Variants in LRRC4C observed in about 807,000 individuals in gnomAD.
LRRC4C encodes leucine-rich repeat-containing protein 4C.
A neutral mutation model predicts 33.6 loss-of-function variants in LRRC4C; 5 were observed. That is an observed-to-expected ratio of 0.15 (90% CI 0.08 to 0.31). The LOEUF (loss-of-function observed/expected upper bound fraction) is 0.31. Among genes scored for constraint, LRRC4C ranks in the 10% least tolerant of loss-of-function variants. LRRC4C has a pLI of 1.00. For synonymous variants in LRRC4C, 329 were observed against 302.0 expected (o/e 1.09, Z -0.93); for missense variants, 560 against 796.7 (o/e 0.70, Z 3.58).
intron 2 of LRRC4C, among the ~76,000 whole-genome samples, chr11:40,651,009 C>G (rs1307503875): frequency 6.6e-6 from 1 of 152,190 alleles, no homozygotes; most frequent in Non-Finnish European, 1.5e-5. Flanking sequence ...TAGAAAGCCT[C>G]TCTAGTTTCC....
At chr11:40,654,009 G>T (rs111766680) in intron 2 of LRRC4C, among the ~76,000 whole-genome samples, 1 of 152,202 alleles carries the variant, frequency 6.6e-6, no homozygotes, top group East Asian at 1.9e-4. Flanking sequence ...CTTTCCTGTG[G>T]TATTGATCCT....
intron 1 of LRRC4C, among the ~76,000 whole-genome samples, chr11:41,406,167 C>T (rs1176584567): frequency 6.6e-6 from 1 of 152,008 alleles, no homozygotes; most frequent in Non-Finnish European, 1.5e-5. Context: ...GTGAGGATAT[C>T]CTGATAAATG....
At chr11:40,243,207 T>C (rs1176157074) in intron 4 of LRRC4C, among the ~76,000 whole-genome samples, 1 of 152,158 alleles carries the variant, frequency 6.6e-6, no homozygotes, top group South Asian at 2.1e-4. Flanking sequence ...TTCAAATTGG[T>C]TTAAAAAGGT....
chr11:40,205,040 T>C (rs1292374776), intron 5 of LRRC4C, among the ~76,000 whole-genome samples: 1 of 152,212 alleles, frequency 6.6e-6, no homozygotes, highest in Admixed American at 6.5e-5. Context: ...GTATAGAATA[T>C]GCCTAATATT....
At chr11:40,339,892 C>T (rs1204812029) in intron 3 of LRRC4C, among the ~76,000 whole-genome samples, 6 of 151,864 alleles carry the variant, frequency 4.0e-5, no homozygotes, top group East Asian at 3.9e-4. Flanking sequence ...AATTTAAAGA[C>T]GATTTTAATA....
intron 1 of LRRC4C, among the ~76,000 whole-genome samples, chr11:41,121,280 T>C (rs942399116): frequency 3.3e-5 from 5 of 152,176 alleles, no homozygotes; most frequent in Non-Finnish European, 5.9e-5. Flanking sequence ...GATCTTATTG[T>C]ATTTACAGTT....
intron 1 of LRRC4C, among the ~76,000 whole-genome samples, chr11:41,156,830 C>A (rs1944253447): frequency 1.3e-5 from 2 of 151,988 alleles, no homozygotes; most frequent in Admixed American, 6.6e-5. Context: ...AGATATCTGG[C>A]AGTGCTATGG....
At chr11:41,405,800 T>C (rs1456210985) in intron 1 of LRRC4C, among the ~76,000 whole-genome samples, 4 of 152,258 alleles carry the variant, frequency 2.6e-5, no homozygotes, top group Non-Finnish European at 5.9e-5. Flanking sequence ...ATTCATTTAG[T>C]TAATATTTAT....
At chr11:41,188,522 T>C (rs1371126722) in intron 1 of LRRC4C, among the ~76,000 whole-genome samples, 2 of 152,122 alleles carry the variant, frequency 1.3e-5, no homozygotes, top group South Asian at 4.1e-4. Flanking sequence ...TAGATCTATG[T>C]ACAAATTTTC....
At chr11:40,971,488 A>G (rs1259257847) in intron 1 of LRRC4C, among the ~76,000 whole-genome samples, 1 of 152,234 alleles carries the variant, frequency 6.6e-6, no homozygotes, top group Non-Finnish European at 1.5e-5. Flanking sequence ...TCTAGATTTC[A>G]GAGAGCATAT....
intron 1 of LRRC4C, among the ~76,000 whole-genome samples, chr11:41,179,710 T>C (rs1272557447): frequency 6.6e-6 from 1 of 152,340 alleles, no homozygotes; most frequent in Non-Finnish European, 1.5e-5. Flanking sequence ...AACTGTTTCC[T>C]ACAACACAGA....
intron 5 of LRRC4C, among the ~76,000 whole-genome samples, chr11:40,190,698 A>C (rs777787190): frequency 3.3e-5 from 5 of 152,204 alleles, no homozygotes; most frequent in Admixed American, 2.0e-4. Flanking sequence ...TAAAACATAA[A>C]ATGATTTTAC....
rs114307871 is a variant in LRRC4C at position 41,004,396 on chromosome 11, T to C, written c.-495-70673A>G. On this transcript the variant is annotated intron_variant, in intron 1 of 6. Transcript: ENST00000528697. ...AGTACATCAACATTATCAGCATCCA[T>C]CTTTTTCCCTCTGCCCTGTCACACC... 4.0e-3 allele frequency among the ~76,000 whole-genome samples: 609 copies of C among 152,240 alleles called. 7 individuals carry two copies. Among genetic ancestry groups the C allele is most frequent in the South Asian group, 0.036 (174 of 4,812 alleles).
At chr11:41,369,433 A>G (rs1373446146) in intron 1 of LRRC4C, among the ~76,000 whole-genome samples, 1 of 151,996 alleles carries the variant, frequency 6.6e-6, no homozygotes, top group Non-Finnish European at 1.5e-5. Context: ...AAAATAAGAA[A>G]TGTACACTAG....
At chr11:40,723,967 T>A (rs1427462386) in intron 2 of LRRC4C, among the ~76,000 whole-genome samples, 3 of 151,592 alleles carry the variant, frequency 2.0e-5, no homozygotes, top group Non-Finnish European at 2.9e-5. Context: ...TATTCTTGTA[T>A]CAGAAAAAAC....
chr11:41,195,187 T>G (rs2136230832), intron 1 of LRRC4C, among the ~76,000 whole-genome samples: 1 of 152,220 alleles, frequency 6.6e-6, no homozygotes, highest in African/African-American at 2.4e-5. Flanking sequence ...TCTCTTTAGG[T>G]TAACAAAACA....
chr11:40,479,296 C>T (rs186811993), intron 3 of LRRC4C, among the ~76,000 whole-genome samples: 1 of 152,136 alleles, frequency 6.6e-6, no homozygotes, highest in East Asian at 1.9e-4. Context: ...TATTTTTCTT[C>T]AAAAGTTATT....
chr11:40,984,840 T>C (rs564081036), intron 1 of LRRC4C, among the ~76,000 whole-genome samples: 122 of 147,860 alleles, frequency 8.3e-4, no homozygotes, highest in Non-Finnish European at 1.6e-3. Flanking sequence ...TAAAAAAAAC[T>C]TCTGACTTAA....
intron 2 of LRRC4C, among the ~76,000 whole-genome samples, chr11:40,921,672 G>C (rs1957185822): frequency 6.6e-6 from 1 of 152,094 alleles, no homozygotes. Context: ...ATGACATTTT[G>C]ATACCTGCAT....
Sources: gnomAD v4.1 joint callset for allele counts (sites outside exome capture counted in the v4.1 genomes callset) on GRCh38, gnomAD v4.1.1 for gene constraint, MANE v1.5 for transcripts, NCBI Gene and HGNC (gene_info 2026-07-23, HGNC 2026-07-21) for gene names.